Variants in POU6F2 observed in about 807,000 individuals in gnomAD.
The protein encoded by POU6F2 is POU domain, class 6, transcription factor 2.
POU6F2 carries 31 observed loss-of-function variants against 71.3 expected under a neutral mutation model. The ratio of observed to expected loss-of-function variants is 0.43; its 90% CI spans 0.33 to 0.59. The LOEUF is 0.59. POU6F2 is among the 20% of genes least tolerant of loss of function. POU6F2 has a pLI of 0.04. For missense variants in POU6F2, 783 were observed against 856.8 expected (o/e 0.91, Z 1.07); for synonymous variants, 347 against 355.7 (o/e 0.98, Z 0.27).
At chr7:39,112,497 C>T (rs1160981375) in intron 2 of POU6F2, among the ~76,000 whole-genome samples, 1 of 152,012 alleles carries the variant, frequency 6.6e-6, no homozygotes, top group Non-Finnish European at 1.5e-5. Context: ...ATGCTTATAA[C>T]CAAAAATAAA....
At chr7:39,026,516 C>G (rs1176507693) in intron 1 of POU6F2, among the ~76,000 whole-genome samples, 1 of 151,930 alleles carries the variant, frequency 6.6e-6, no homozygotes, top group Non-Finnish European at 1.5e-5. Flanking sequence ...AACCAAACAC[C>G]GCATGTTCTC....
intron 1 of POU6F2, among the ~76,000 whole-genome samples, chr7:38,991,702 G>T (rs1036731722): frequency 7.2e-5 from 11 of 152,094 alleles, no homozygotes; most frequent in Non-Finnish European, 1.5e-5. Flanking sequence ...TTTTTTTCAG[G>T]AAAGAGTGAT....
At chr7:39,438,107 C>T (rs760920914) in intron 7 of POU6F2, among the ~76,000 whole-genome samples, 2 of 152,162 alleles carry the variant, frequency 1.3e-5, no homozygotes, top group African/African-American at 2.4e-5. Flanking sequence ...CCCCCTACCC[C>T]ACAACAGGCC....
chr7:39,451,695 G>A lies in POU6F2; in HGVS notation c.1483G>A (p.Val495Ile). Reference sequence around the variant, plus strand: ...TTCAGCTTTGAGCGTGGGCCAGTTAGTCAGCAGTAAGTATCCTTTCTGGCT... The same window carrying A: ...TTCAGCTTTGAGCGTGGGCCAGTTAATCAGCAGTAAGTATCCTTTCTGGCT... ...SSSALSVGQLVSNPQTAAGEV... is the reference protein window; with the variant it reads ...SSSALSVGQLISNPQTAAGEV... The change falls in exon 8 of 10, where the codon GTC becomes ATC. Residue 495 changes from valine (V) to isoleucine (I), a missense_variant. Coordinates refer to ENST00000518318, the MANE Select transcript of POU6F2 (RefSeq NM_001370959.1). 4.4e-6 allele frequency: 7 copies of A among 1,588,088 alleles called. No homozygotes were observed. The highest frequency in any genetic ancestry group is 3.4e-5 in the South Asian group (3 of 87,150).
At chr7:39,461,346 C>A (rs1788945486) in intron 9 of POU6F2, among the ~76,000 whole-genome samples, 1 of 152,192 alleles carries the variant, frequency 6.6e-6, no homozygotes, top group Non-Finnish European at 1.5e-5. Flanking sequence ...ATAACAGAAT[C>A]CAGCCTTGGT....
chr7:39,023,564 G>A (rs1458240694), intron 1 of POU6F2, among the ~76,000 whole-genome samples: 1 of 152,018 alleles, frequency 6.6e-6, no homozygotes, highest in Non-Finnish European at 1.5e-5. Context: ...GAATTATCCA[G>A]CCCCAAATGT....
chr7:39,005,303 T>A (rs1214826766), intron 1 of POU6F2: 2 of 152,228 alleles, frequency 1.3e-5, no homozygotes, highest in South Asian at 2.1e-4. Flanking sequence ...ATTTAAAAAA[T>A]TTCTCAGAGT....
At chr7:39,204,471 A>T (rs1793966516) in intron 3 of POU6F2, 145 bp downstream of exon 3, 1 of 596,270 alleles carries the variant, frequency 1.7e-6, no homozygotes, top group African/African-American at 1.8e-5. Flanking sequence ...AAGCTGTATG[A>T]CTACATTATT....
At chr7:39,191,012 GA>G (rs1374682617) in intron 2 of POU6F2, among the ~76,000 whole-genome samples, 2 of 152,112 alleles carry the variant, frequency 1.3e-5, no homozygotes, top group African/African-American at 4.8e-5. Flanking sequence ...AAACCTTGAG[GA>G]TCTTTAGAAA....
intron 8 of POU6F2, among the ~76,000 whole-genome samples, chr7:39,457,635 C>A (rs1788834484): frequency 6.6e-6 from 1 of 152,218 alleles, no homozygotes; most frequent in Non-Finnish European, 1.5e-5. Context: ...AGAAAGATTT[C>A]TTTCTGTAGT....
intron 1 of POU6F2, among the ~76,000 whole-genome samples, chr7:38,993,541 C>T (rs1192452936): frequency 6.7e-6 from 1 of 150,282 alleles, no homozygotes; most frequent in African/African-American, 2.5e-5. Flanking sequence ...CCAGAAATAA[C>T]CTAAGGGAAA....
At chr7:39,436,462 AC>A (rs1437649077) in intron 7 of POU6F2, among the ~76,000 whole-genome samples, 2 of 132,184 alleles carry the variant, frequency 1.5e-5, no homozygotes, top group African/African-American at 6.3e-5. Flanking sequence ...GTAATTTTGC[AC>A]ATTGATTTTG....
At chr7:39,291,548 T>TAATA (rs1276059395) in intron 4 of POU6F2, among the ~76,000 whole-genome samples, 2 of 152,242 alleles carry the variant, frequency 1.3e-5, no homozygotes, top group African/African-American at 4.8e-5. Flanking sequence ...CAAACATTTA[T>TAATA]ACCTCGTGTG....
At chr7:39,326,091 G>A (rs971147773) in intron 4 of POU6F2, among the ~76,000 whole-genome samples, 5 of 152,188 alleles carry the variant, frequency 3.3e-5, no homozygotes, top group South Asian at 2.1e-4. Flanking sequence ...CATCAAAGAT[G>A]TAAATAGGTC....
At chr7:39,144,120 G>A (rs1028366525) in intron 2 of POU6F2, among the ~76,000 whole-genome samples, 13 of 152,034 alleles carry the variant, frequency 8.6e-5, no homozygotes, top group Non-Finnish European at 1.6e-4. Context: ...CTGAGAATAC[G>A]AAATTGAACA....
chr7:39,358,054 AG>A (rs1786296851), intron 5 of POU6F2, among the ~76,000 whole-genome samples: 1 of 152,246 alleles, frequency 6.6e-6, no homozygotes, highest in Non-Finnish European at 1.5e-5. Flanking sequence ...AGCCTTATTT[AG>A]ATTACAATTC....
chr7:39,136,938 C>T (rs778467484), intron 2 of POU6F2, among the ~76,000 whole-genome samples: 18 of 150,106 alleles, frequency 1.2e-4, no homozygotes, highest in Non-Finnish European at 2.5e-4. Context: ...TCACTTGAGC[C>T]CAGGAGGTCA....
At chr7:38,993,970 T>C (rs533375585) in intron 1 of POU6F2, among the ~76,000 whole-genome samples, 17 of 152,212 alleles carry the variant, frequency 1.1e-4, no homozygotes, top group Non-Finnish European at 1.6e-4. Context: ...ATTTTTCCAC[T>C]TGGTTGAACA....
Position 38,981,940 on chromosome 7 carries a change from T to G in POU6F2, c.105+3882T>G, listed in dbSNP as rs990267426. On this transcript the variant is annotated intron_variant, in intron 1 of 9. Coordinates refer to ENST00000518318, the MANE Select transcript of POU6F2 (RefSeq NM_001370959.1). ...TTCACCGTTATAGCATCAAAACAAT[T>G]AATTTTACATAGAGGTTTGTTTATA... Among the ~76,000 whole-genome samples, 3 of 152,188 alleles carry G rather than the reference T, an allele frequency of 2.0e-5. No homozygotes were observed. The East Asian group carries it at 5.8e-4, about 29-fold the overall frequency.
Sources: allele counts gnomAD v4.1 joint callset (sites outside exome capture counted in the v4.1 genomes callset), GRCh38; gene constraint gnomAD v4.1.1; transcripts MANE v1.5; gene names NCBI Gene and HGNC (gene_info 2026-07-23, HGNC 2026-07-21).